Variants in USP34 observed in about 807,000 individuals in gnomAD.
USP34 encodes the protein ubiquitin carboxyl-terminal hydrolase 34.
USP34 carries 70 observed loss-of-function variants against 460.3 expected under a neutral mutation model. That is an observed-to-expected ratio of 0.15 (90% CI 0.13 to 0.19). The LOEUF (loss-of-function observed/expected upper bound fraction) is 0.19. Among genes scored for constraint, USP34 ranks in the 10% least tolerant of loss-of-function variants. The pLI is 1.00. For missense variants in USP34, 3,985 were observed against 4,236.2 expected (o/e 0.94, Z 1.65); for synonymous variants, 1,647 against 1,405.3 (o/e 1.17, Z -3.85).
chr2:61,203,083 AATGAC>A (rs1377622700), intron 75 of USP34, 52 bp downstream of exon 75: 2 of 1,384,444 alleles, frequency 1.4e-6, no homozygotes, highest in Non-Finnish European at 1.9e-6. Flanking sequence ...CCCCTTCCTG[AATGAC>A]TAGGGGCTTA....
At chr2:61,239,748 C>T (rs970659210) in intron 53 of USP34, among the ~76,000 whole-genome samples, 18 of 152,142 alleles carry the variant, frequency 1.2e-4, no homozygotes, top group Non-Finnish European at 2.2e-4. Context: ...TGAGAACAAT[C>T]CTGTAATCCC....
intron 2 of USP34, chr2:61,416,820 T>TGGGGG (rs1246172627): frequency 2.2e-5 from 6 of 275,050 alleles, no homozygotes; most frequent in African/African-American, 3.7e-5. Context: ...CTTTTTTTTT[T>TGGGGG]TGGGGGGGGG....
intron 75 of USP34, 126 bp downstream of exon 75, chr2:61,203,014 T>G: frequency 9.8e-7 from 1 of 1,018,142 alleles, no homozygotes; most frequent in South Asian, 2.2e-5. Context: ...CCAAGAATAT[T>G]AATATTTTTA....
chr2:61,397,997 G>A (rs1041003232), intron 3 of USP34, among the ~76,000 whole-genome samples: 1 of 152,080 alleles, frequency 6.6e-6, no homozygotes, highest in Non-Finnish European at 1.5e-5. Context: ...AACCCGCTTG[G>A]GGGAGGGGGG....
Position 61,190,586 on chromosome 2 carries a change from G to A in USP34, c.9661C>T (p.Leu3221=), listed in dbSNP as rs1558456918. 1 of 1,614,048 alleles carries A rather than the reference G, an allele frequency of 6.2e-7. No individual in the cohort carries two copies. The highest frequency in any genetic ancestry group is 1.1e-5 in the South Asian group (1 of 91,068). ...TTTAAAAAAGTTCTTTCATCCATTAGGATACATTTAATATATTCTGCGAAA... is the reference window on the plus strand; with the variant it reads ...TTTAAAAAAGTTCTTTCATCCATTAAGATACATTTAATATATTCTGCGAAA... ...PVFAEYIKCI[L]MDERTFLNNN... Residue 3221 remains leucine (L), a synonymous_variant, in exon 77 of 80, where the codon CTA becomes TTA. Coordinates refer to ENST00000398571, the MANE Select transcript of USP34 (RefSeq NM_014709.4).
intron 48 of USP34, among the ~76,000 whole-genome samples, chr2:61,253,307 T>C (rs528893628): frequency 2.0e-5 from 3 of 152,348 alleles, no homozygotes; most frequent in African/African-American, 7.2e-5. Context: ...TTTATTCCAA[T>C]TAGAGATTCT....
At chr2:61,318,570 A>G (rs1019331702) in intron 22 of USP34, among the ~76,000 whole-genome samples, 27 of 152,220 alleles carry the variant, frequency 1.8e-4, no homozygotes, top group Admixed American at 3.3e-4. Context: ...ATAAGCATAA[A>G]AAAGTCTTAC....
intron 20 of USP34, among the ~76,000 whole-genome samples, chr2:61,329,950 A>C (rs1388098205): frequency 6.6e-6 from 1 of 152,208 alleles, no homozygotes; most frequent in South Asian, 2.1e-4. Context: ...TGACAGATAG[A>C]AAGAATGAAC....
intron 53 of USP34, among the ~76,000 whole-genome samples, chr2:61,239,995 A>C (rs1243175834): frequency 7.4e-6 from 1 of 135,626 alleles, no homozygotes; most frequent in Non-Finnish European, 1.6e-5. Context: ...TGGGCGACAG[A>C]GCGAGACTCC....
At chr2:61,290,570 G>A (rs189737459) in intron 33 of USP34, among the ~76,000 whole-genome samples, 43 of 152,188 alleles carry the variant, frequency 2.8e-4, no homozygotes, top group Middle Eastern at 3.4e-3. Flanking sequence ...GGTACATATT[G>A]CACTGATCCA....
At chr2:61,340,934 T>C (rs2103756886) in intron 16 of USP34, among the ~76,000 whole-genome samples, 1 of 151,546 alleles carries the variant, frequency 6.6e-6, no homozygotes, top group East Asian at 2.0e-4. Context: ...AATACATATA[T>C]AATCAAGATG....
intron 48 of USP34, among the ~76,000 whole-genome samples, chr2:61,251,328 C>T (rs1688576367): frequency 6.6e-6 from 1 of 152,084 alleles, no homozygotes; most frequent in South Asian, 2.1e-4. Context: ...ATGAATAACA[C>T]TGATATTAAA....
intron 43 of USP34, among the ~76,000 whole-genome samples, chr2:61,264,039 A>G (rs1368112655): frequency 2.0e-5 from 3 of 152,200 alleles, no homozygotes; most frequent in African/African-American, 7.2e-5. Context: ...TGCCAGCTAA[A>G]AAGAAAACCA....
intron 1 of USP34, among the ~76,000 whole-genome samples, chr2:61,438,473 A>C (rs1694878030): frequency 6.6e-6 from 1 of 152,014 alleles, no homozygotes; most frequent in Non-Finnish European, 1.5e-5. Context: ...ATTAGCCACA[A>C]GCTGTAATCC....
intron 35 of USP34, 151 bp from the exon 36 acceptor site, chr2:61,283,600 AGAGAGT>A (rs1689601182): frequency 1.7e-6 from 1 of 599,772 alleles, no homozygotes; most frequent in Non-Finnish European, 2.7e-6. Context: ...TGAGAGTGAG[AGAGAGT>A]GTGAGTGTGT....
In USP34 at chr2:61,188,153, T is replaced by C; in HGVS notation, c.10590A>G (p.Thr3530=). The change falls in exon 80 of 80, where the codon ACA becomes ACG. Residue 3530 remains threonine (T), a synonymous_variant. Transcript: ENST00000398571. The part of the protein sequence containing the change: ...LDTLCRTIES[T]IHVVTRISGK... ...CAGATATCCTTGTGACGACATGGAT[T>C]GTAGATTCAATGGTCCTACACAGGG... 1 of 1,614,106 alleles carries C rather than the reference T, an allele frequency of 6.2e-7. No individual in the cohort carries two copies.
intron 51 of USP34, among the ~76,000 whole-genome samples, chr2:61,244,831 G>A (rs1010570233): frequency 6.6e-6 from 1 of 151,992 alleles, no homozygotes; most frequent in South Asian, 2.1e-4. Flanking sequence ...TTGAGCCACA[G>A]TAAGCTAAGA....
Position 61,188,533 on chromosome 2 carries a change from G to A in USP34, c.10210C>T (p.Leu3404Phe). 5 of 1,614,226 alleles carry A rather than the reference G, an allele frequency of 3.1e-6. No homozygotes were observed. The South Asian group carries it at 3.3e-5, about 11-fold the overall frequency. The change falls in exon 80 of 80, where the codon CTT becomes TTT. Residue 3404 changes from leucine (L) to phenylalanine (F), a missense_variant. Transcript: ENST00000398571. ...ACAGAACTATTTTCAGGGGAAGGAAGATCTTGCTCAGTTCCTGGATCAATA... is the reference window on the plus strand; with the variant it reads ...ACAGAACTATTTTCAGGGGAAGGAAAATCTTGCTCAGTTCCTGGATCAATA... ...SIIDPGTEQD[L>F]PSPENSSVKE...
intron 3 of USP34, among the ~76,000 whole-genome samples, chr2:61,402,242 C>T (rs369082875): frequency 6.6e-5 from 10 of 152,094 alleles, no homozygotes; most frequent in East Asian, 5.8e-4. Flanking sequence ...ATCACACCAC[C>T]GCACTCCAGC....
Sources: allele counts gnomAD v4.1 joint callset (sites outside exome capture counted in the v4.1 genomes callset), GRCh38; gene constraint gnomAD v4.1.1; transcripts MANE v1.5; gene names NCBI Gene and HGNC (gene_info 2026-07-23, HGNC 2026-07-21).